NRIP3: variants seen among roughly 807,000 people sequenced by gnomAD.
NRIP3 encodes the protein nuclear receptor-interacting protein 3.
NRIP3 carries 31 observed loss-of-function variants against 29.0 expected under a neutral mutation model. The ratio of observed to expected loss-of-function variants is 1.07; its 90% confidence interval spans 0.80 to 1.44. NRIP3 has a LOEUF of 1.44. Ranked by LOEUF, NRIP3 falls within the 40% of genes most tolerant of loss-of-function variation. NRIP3 has a pLI of 0.00. For synonymous variants in NRIP3, 131 were observed against 118.3 expected (o/e 1.11, Z -0.70); for missense variants, 314 against 297.9 (o/e 1.05, Z -0.40).
intron 1 of NRIP3, among the ~76,000 whole-genome samples, chr11:8,996,376 G>A (rs1386120312): frequency 7.1e-6 from 1 of 140,378 alleles, no homozygotes; most frequent in African/African-American, 2.6e-5. Flanking sequence ...CCACCTCCTG[G>A]GTTCAAGCAA....
intron 1 of NRIP3, among the ~76,000 whole-genome samples, chr11:8,992,911 C>CAA (rs5789590): frequency 6.3e-4 from 87 of 138,268 alleles, no homozygotes; most frequent in South Asian, 1.4e-3. Flanking sequence ...GACTCCGTCT[C>CAA]AAAAAAAAAA....
rs757767854 is a variant in NRIP3 at position 8,987,543 on chromosome 11, C to T, written c.422+5G>A. 1.9e-6 allele frequency: 3 copies of T among 1,610,358 alleles called. No individual in the cohort carries two copies. Among genetic ancestry groups the T allele is most frequent in the South Asian group, 2.2e-5 (2 of 90,988 alleles). On this transcript the variant is annotated splice_donor_5th_base_variant and intron_variant, in intron 3 of 6. Transcript: ENST00000309166. The stretch of plus-strand genomic sequence containing the variant: ...AAGTTCCACTCAGCACAAGTGCCTA[C>T]TTACCCCAATCTGTCCACACAGGCC...
chr11:8,991,630 A>G (rs1292966799), intron 1 of NRIP3, among the ~76,000 whole-genome samples: 1 of 152,250 alleles, frequency 6.6e-6, no homozygotes, highest in African/African-American at 2.4e-5. Flanking sequence ...AGCAGGCAGA[A>G]AAGCAGCAAT....
chr11:8,993,025 G>C (rs1332836037), intron 1 of NRIP3, among the ~76,000 whole-genome samples: 2 of 152,178 alleles, frequency 1.3e-5, no homozygotes, highest in Non-Finnish European at 2.9e-5. Context: ...AGATATGCAT[G>C]CTTCACCAAA....
intron 4 of NRIP3, among the ~76,000 whole-genome samples, chr11:8,984,918 C>G (rs1426010509): frequency 3.3e-5 from 5 of 151,786 alleles, no homozygotes; most frequent in Non-Finnish European, 5.9e-5. Context: ...ATGGCGCGAT[C>G]TCTGCTCACT....
chr11:9,003,715 G>T (rs1228285967), intron 1 of NRIP3, 47 bp downstream of exon 1: 5 of 1,360,168 alleles, frequency 3.7e-6, no homozygotes, highest in Non-Finnish European at 2.9e-6. Flanking sequence ...GAAAACGGCG[G>T]GCGCGAAGCC....
chr11:8,991,427 A>G (rs972842701), intron 1 of NRIP3, among the ~76,000 whole-genome samples: 3 of 152,236 alleles, frequency 2.0e-5, no homozygotes, highest in African/African-American at 7.2e-5. Context: ...TGAACCTCAG[A>G]GATGTTTTTC....
chr11:8,984,502 A>T (rs1854479158), intron 4 of NRIP3, among the ~76,000 whole-genome samples: 1 of 152,124 alleles, frequency 6.6e-6, no homozygotes, highest in Non-Finnish European at 1.5e-5. Flanking sequence ...ACCTCAGGAG[A>T]TCCACCCGCC....
chr11:8,997,302 G>C (rs938240211), intron 1 of NRIP3, among the ~76,000 whole-genome samples: 4 of 145,776 alleles, frequency 2.7e-5, no homozygotes, highest in African/African-American at 7.7e-5. Context: ...TTGAACCCGG[G>C]AGGCGGATCG....
rs1854785874 is a variant in NRIP3, at chr11:9,001,046, AAT to A, written c.174+2714_174+2715del. Among the ~76,000 whole-genome samples, 2 of 152,198 alleles carry A rather than the reference AAT, an allele frequency of 1.3e-5. 1 individual carries two copies. Among genetic ancestry groups the A allele is most frequent in the South Asian group, 4.1e-4 (2 of 4,826 alleles). The stretch of plus-strand genomic sequence containing the variant: ...ACTGCAGCTGCATTCCAGCCTGGGC[AAT>A]AGAGTGAGAACCCGTCTCTTAAAAA... On this transcript the variant is annotated intron_variant, in intron 1 of 6. Transcript: ENST00000309166.
rs1232847984 is a variant in NRIP3, at chr11:8,983,923, T to C, written c.662A>G (p.Asp221Gly). ...DKHRLIMGKT[D>G]KEEIPFVETV... ...CTCCACAAAAGGGATTTCTTCCTTGTCTGTCTTCCCCATGATCAGCCGGTG... is the reference window on the plus strand; with the variant it reads ...CTCCACAAAAGGGATTTCTTCCTTGCCTGTCTTCCCCATGATCAGCCGGTG... The change falls in exon 6 of 7, where the codon GAC becomes GGC. Residue 221 changes from aspartate to glycine, a missense_variant. By Grantham distance (94) the Asp-to-Gly change is moderately conservative. Coordinates refer to ENST00000309166, the MANE Select transcript of NRIP3 (RefSeq NM_020645.3). 2 of 1,614,254 alleles carry C rather than the reference T, an allele frequency of 1.2e-6. No individual in the cohort carries two copies. The highest frequency in any genetic ancestry group is 8.5e-7 in the Non-Finnish European group (1 of 1,180,042).
chr11:9,003,800 G>A lies in NRIP3; in HGVS notation c.136C>T (p.Leu46=). 6.6e-7 allele frequency: 1 copy of A among 1,507,398 alleles called. No individual in the cohort carries two copies. The highest frequency in any genetic ancestry group is 8.9e-7 in the Non-Finnish European group (1 of 1,126,270). 93.4% of individuals were successfully genotyped at this position (1,507,398 alleles called of 1,614,324 possible). The change falls in exon 1 of 7, where the codon CTG becomes TTG. Residue 46 remains leucine (L), a synonymous_variant. Transcript: ENST00000309166. The part of the protein sequence containing the change: ...IHKDSADLLP[L]DGLKKLGSSK... Reference sequence around the variant, plus strand: ...GAGCCCAGCTTCTTGAGGCCGTCCAGGGGCAGCAGGTCGGCGGAGTCCTTG... The same window carrying A: ...GAGCCCAGCTTCTTGAGGCCGTCCAAGGGCAGCAGGTCGGCGGAGTCCTTG...
intron 1 of NRIP3, among the ~76,000 whole-genome samples, chr11:8,990,917 T>G (rs1395013979): frequency 6.6e-6 from 1 of 152,166 alleles, no homozygotes; most frequent in African/African-American, 2.4e-5. Context: ...GAAATATATC[T>G]TTCAAAAAAT....
At chr11:8,984,050 G>C in intron 5 of NRIP3, 22 bp downstream of exon 5, 4 of 1,607,030 alleles carry the variant, frequency 2.5e-6, no homozygotes, top group Non-Finnish European at 2.6e-6. Context: ...AAGTATCAAG[G>C]GGTAAGTGGA....
intron 1 of NRIP3, among the ~76,000 whole-genome samples, chr11:9,002,596 T>TAAAAAAAAAAA (rs10701323): frequency 3.0e-5 from 3 of 101,230 alleles, no homozygotes; most frequent in Non-Finnish European, 5.4e-5. Context: ...GCTGTTAAAT[T>TAAAAAAAAAAA]AAAAAAAAAA....
intron 1 of NRIP3, among the ~76,000 whole-genome samples, chr11:9,002,098 G>A (rs1854812340): frequency 6.6e-6 from 1 of 152,110 alleles, no homozygotes; most frequent in African/African-American, 2.4e-5. Context: ...GAAATCCTAG[G>A]CAGAAGGAAG....
intron 6 of NRIP3, 48 bp from the exon 7 acceptor site, chr11:8,983,608 A>C: frequency 6.3e-7 from 1 of 1,594,284 alleles, no homozygotes; most frequent in South Asian, 1.1e-5. Context: ...AATTCAAAAA[A>C]AGTTAAGCTG....
intron 1 of NRIP3, among the ~76,000 whole-genome samples, chr11:8,999,036 C>T (rs758974433): frequency 3.3e-5 from 5 of 152,062 alleles, no homozygotes; most frequent in Non-Finnish European, 5.9e-5. Context: ...ATCTCCTAAC[C>T]TCGTGACCTG....
Position 9,003,947 on chromosome 11 carries a change from C to T in NRIP3, c.-12G>A, listed in dbSNP as rs903036046. 2.0e-5 allele frequency: 29 copies of T among 1,480,038 alleles called. No individual in the cohort carries two copies. Among genetic ancestry groups the T allele is most frequent in the Non-Finnish European group, 2.6e-5 (29 of 1,111,350 alleles). 91.7% of individuals were successfully genotyped at this position (1,480,038 alleles called of 1,614,324 possible). ...CCTGAGTAAAACATCGCTGAGGCGC[C>T]GGCGGCCCGGTAGCCCACAGCCCCC... On this transcript the variant is annotated 5_prime_UTR_variant, in exon 1 of 7. Transcript: ENST00000309166.
Sources: allele counts gnomAD v4.1 joint callset (sites outside exome capture counted in the v4.1 genomes callset), GRCh38; gene constraint gnomAD v4.1.1; transcripts MANE v1.5; gene names NCBI Gene and HGNC (gene_info 2026-07-23, HGNC 2026-07-21).